Variants in SPINK8 observed in about 807,000 individuals in gnomAD.
SPINK8 encodes the protein serine protease inhibitor Kazal-type 8.
A neutral mutation model predicts 14.4 loss-of-function variants in SPINK8; 12 were observed. The ratio of observed to expected loss-of-function variants is 0.83; its 90% CI spans 0.53 to 1.35. SPINK8 has a LOEUF of 1.35. Ranked by LOEUF, SPINK8 falls within the 40% of genes most tolerant of loss-of-function variation. SPINK8 has a pLI of 0.00. For missense variants in SPINK8, 103 were observed against 117.0 expected (o/e 0.88, Z 0.55); for synonymous variants, 32 against 37.6 (o/e 0.85, Z 0.55).
At chr3:48,332,504 T>C (rs1269803454) in intron 1 of SPINK8, among the ~76,000 whole-genome samples, 33 bp from the exon 2 acceptor site, 1 of 152,208 alleles carries the variant, frequency 6.6e-6, no homozygotes, top group Admixed American at 6.5e-5. Flanking sequence ...GAATAATTCA[T>C]AGGCTTCTTC....
At chr3:48,310,666 T>G (rs2035913454) in intron 6 of SPINK8, among the ~76,000 whole-genome samples, 1 of 151,960 alleles carries the variant, frequency 6.6e-6, no homozygotes, top group African/African-American at 2.4e-5. Flanking sequence ...CCCAGCTAAT[T>G]TTTTGTATTT....
intron 4 of SPINK8, 71 bp downstream of exon 4, chr3:48,328,204 C>G: frequency 7.9e-7 from 1 of 1,266,804 alleles, no homozygotes; most frequent in Non-Finnish European, 1.1e-6. Context: ...ACTTCCACTT[C>G]CATCTCTAAT....
At chr3:48,315,494 G>A (rs957406088) in intron 6 of SPINK8, among the ~76,000 whole-genome samples, 6 of 152,106 alleles carry the variant, frequency 3.9e-5, no homozygotes, top group Admixed American at 6.5e-5. Flanking sequence ...GCTGAGGCAG[G>A]TGGATCACTT....
Position 48,320,007 on chromosome 3 carries a change from G to A in SPINK8, c.118-389C>T, listed in dbSNP as rs9854800. Among the ~76,000 whole-genome samples, 1,324 of 152,048 alleles carry A rather than the reference G, an allele frequency of 8.7e-3. 15 individuals carry two copies. The highest frequency in any genetic ancestry group is 0.062 in the South Asian group (299 of 4,808). ...TAGCCGGGCGTGGTGGTGGGCGCCT[G>A]TAGTCCCAGCTGCTGGGGAGGCTGA... is the stretch of plus-strand genomic sequence containing the variant. On this transcript the variant is annotated intron_variant, in intron 5 of 7. Transcript: ENST00000434006.
chr3:48,321,105 G>C, intron 4 of SPINK8, 31 bp from the exon 5 acceptor site: 1 of 1,559,464 alleles, frequency 6.4e-7, no homozygotes, highest in Non-Finnish European at 8.7e-7. Context: ...CAGAAAAGTT[G>C]CTTCTCTGTC....
In SPINK8 at chr3:48,307,961, C is replaced by CTTTTT. The variant is rs869147798; in HGVS notation, c.283-963_283-959dup. Among the ~76,000 whole-genome samples, 146 of 68,220 alleles carry CTTTTT rather than the reference C, an allele frequency of 2.1e-3. 7 individuals are homozygous for CTTTTT. Among genetic ancestry groups the CTTTTT allele is most frequent in the African/African-American group, 3.8e-3 (59 of 15,696 alleles). 44.8% of individuals were successfully genotyped at this position (68,220 alleles called of 152,430 possible). A position where few individuals can be genotyped will look rare whatever the true frequency, so the allele number is the denominator to read the frequency against. ...ATGAATTCTGACTTCAGTCTGCATT[C>CTTTTT]TTTTTTTTTTTTTTTTTTTTTTTTT... On this transcript the variant is annotated intron_variant, in intron 7 of 7. Coordinates refer to ENST00000434006, the MANE Select transcript of SPINK8 (RefSeq NM_001080525.3).
At chr3:48,309,641 G>T (rs2035897530) in intron 7 of SPINK8, among the ~76,000 whole-genome samples, 1 of 152,190 alleles carries the variant, frequency 6.6e-6, no homozygotes, top group Admixed American at 6.5e-5. Context: ...AAGTATGTAG[G>T]AGTGAATAAC....
chr3:48,318,420 C>A, intron 6 of SPINK8, among the ~76,000 whole-genome samples: 1 of 152,202 alleles, frequency 6.6e-6, no homozygotes, highest in East Asian at 1.9e-4. Context: ...GGATTACAGG[C>A]GTGAGCCACT....
chr3:48,309,203 T>G (rs987199330), intron 7 of SPINK8, among the ~76,000 whole-genome samples: 2 of 152,222 alleles, frequency 1.3e-5, no homozygotes, highest in African/African-American at 2.4e-5. Context: ...CCTACTGTCT[T>G]TATTTTCTCT....
At chr3:48,315,438 G>A (rs1196992186) in intron 6 of SPINK8, among the ~76,000 whole-genome samples, 1 of 152,002 alleles carries the variant, frequency 6.6e-6, no homozygotes, top group Non-Finnish European at 1.5e-5. Flanking sequence ...TTAAAGAACT[G>A]GGCCGGGTGT....
intron 2 of SPINK8, among the ~76,000 whole-genome samples, chr3:48,331,498 G>T (rs1310102329): frequency 6.6e-6 from 1 of 152,114 alleles, no homozygotes; most frequent in East Asian, 1.9e-4. Context: ...TCTTCTAATG[G>T]CTTCCTGATA....
chr3:48,324,863 T>G (rs1352619776), intron 4 of SPINK8, among the ~76,000 whole-genome samples: 1 of 152,216 alleles, frequency 6.6e-6, no homozygotes, highest in African/African-American at 2.4e-5. Context: ...TCTGTCTAGT[T>G]GTTTTAGCCA....
At chr3:48,321,095 C>T (rs540917218) in intron 4 of SPINK8, 21 bp from the exon 5 acceptor site, 18 of 1,565,920 alleles carry the variant, frequency 1.1e-5, no homozygotes, top group Non-Finnish European at 8.7e-7. Context: ...AAAGCACATA[C>T]AGAAAAGTTG....
At chr3:48,328,473 T>C in intron 3 of SPINK8, 119 bp from the exon 4 acceptor site, 1 of 568,088 alleles carries the variant, frequency 1.8e-6, no homozygotes, top group Non-Finnish European at 3.0e-6. Flanking sequence ...CCTCAGGTCA[T>C]TTGGAATGAA....
At chr3:48,326,785 C>G (rs928167489) in intron 4 of SPINK8, among the ~76,000 whole-genome samples, 3 of 151,992 alleles carry the variant, frequency 2.0e-5, no homozygotes, top group Non-Finnish European at 2.9e-5. Context: ...GTGGCACATG[C>G]ATATAGTTCC....
chr3:48,319,778 C>G (rs560710207), intron 5 of SPINK8, among the ~76,000 whole-genome samples, 160 bp from the exon 6 acceptor site: 1 of 152,224 alleles, frequency 6.6e-6, no homozygotes, highest in Admixed American at 6.5e-5. Context: ...AGTTACCACC[C>G]ACAATATGTA....
At position 48,332,409 on chromosome 3, in the gene SPINK8, G is replaced by C. The variant is rs1224176850; in HGVS notation, c.-179C>G. Reference sequence around the variant, plus strand: ...CTTCAATAGATCCAGATGACAGAGAGGTATGCTTCCTCAATGCCTCCCTTA... The same window carrying C: ...CTTCAATAGATCCAGATGACAGAGACGTATGCTTCCTCAATGCCTCCCTTA... On this transcript the variant is annotated 5_prime_UTR_variant, in exon 2 of 8. Coordinates refer to ENST00000434006, the MANE Select transcript of SPINK8 (RefSeq NM_001080525.3). Among the ~76,000 whole-genome samples, 1 of 152,142 alleles carries C rather than the reference G, an allele frequency of 6.6e-6. No individual in the cohort carries two copies. Among genetic ancestry groups the C allele is most frequent in the Non-Finnish European group, 1.5e-5 (1 of 68,032 alleles).
chr3:48,323,528 C>T lies in SPINK8; in HGVS notation c.68-2454G>A, dbSNP rs138818872. Among the ~76,000 whole-genome samples the T allele has an allele frequency of 2.4e-4, 36 of 152,304 alleles. 1 individual carries two copies. The East Asian group carries it at 2.5e-3, about 11-fold the overall frequency. Reference sequence around the variant, plus strand: ...GAAGGCTTTGCCTAATTCAAGGTCACGAAATTCACTCATATTGTTTTCTTC... The same window carrying T: ...GAAGGCTTTGCCTAATTCAAGGTCATGAAATTCACTCATATTGTTTTCTTC... On this transcript the variant is annotated intron_variant, in intron 4 of 7. Coordinates refer to ENST00000434006, the MANE Select transcript of SPINK8 (RefSeq NM_001080525.3).
At chr3:48,331,075 A>C (rs891072561) in intron 2 of SPINK8, among the ~76,000 whole-genome samples, 7 of 152,150 alleles carry the variant, frequency 4.6e-5, no homozygotes, top group Non-Finnish European at 7.3e-5. Context: ...CATTTGAAGA[A>C]CATTTGTAGT....
Sources: allele counts gnomAD v4.1 joint callset (sites outside exome capture counted in the v4.1 genomes callset), GRCh38; gene constraint gnomAD v4.1.1; transcripts MANE v1.5; gene names NCBI Gene and HGNC (gene_info 2026-07-23, HGNC 2026-07-21).